The following MYRIP variants were observed in gnomAD, a reference collection of about 807,000 sequenced individuals.
MYRIP encodes the protein rab effector MyRIP.
MYRIP carries 49 observed loss-of-function variants against 98.0 expected under a neutral mutation model. That is an observed-to-expected ratio of 0.50 (90% CI 0.40 to 0.63). MYRIP has a LOEUF of 0.63. Ranked by LOEUF, MYRIP falls within the 30% of genes least tolerant of loss-of-function variation. The probability of loss-of-function intolerance (pLI) is 0.00; values close to 1 mark genes in which losing one functional copy is unlikely to be tolerated. For synonymous variants in MYRIP, 404 were observed against 409.5 expected, an observed-to-expected ratio of 0.99 and a Z score of 0.16; for missense variants, 1,004 against 1,058.2, an observed-to-expected ratio of 0.95 and a Z score of 0.71.
At chr3:40,166,655 TG>T (rs1950506015) in intron 5 of MYRIP, among the ~76,000 whole-genome samples, 190 bp from the exon 6 acceptor site, 1 of 151,784 alleles carries the variant, frequency 6.6e-6, no homozygotes, top group South Asian at 2.1e-4. Flanking sequence ...TTGTTGCAAC[TG>T]GGGCATGGGA....
chr3:40,235,495 G>C (rs758425160), intron 12 of MYRIP, among the ~76,000 whole-genome samples: 6 of 152,188 alleles, frequency 3.9e-5, no homozygotes, highest in Non-Finnish European at 8.8e-5. Context: ...AACACTCTTA[G>C]CTCTTTCTCT....
rs62264389 is a variant in MYRIP at position 39,973,637 on chromosome 3, G to A, written c.111-70413G>A. Among the ~76,000 whole-genome samples the A allele has an allele frequency of 4.7e-4, 72 of 152,064 alleles. No individual in the cohort carries two copies. The East Asian group carries it at 8.5e-3, about 18-fold the overall frequency. On this transcript the variant is annotated intron_variant, in intron 2 of 16. Transcript: ENST00000302541. ...CCACACCACACTTATTCCAAAATTG[G>A]CCACATAGTTGGAAGTAAAGCTCTC...
chr3:40,218,622 A>ATATATATATTT (rs1553629234), intron 11 of MYRIP, among the ~76,000 whole-genome samples: 278 of 12,638 alleles, frequency 0.022, 1 homozygote, highest in African/African-American at 0.035. Flanking sequence ...TTATATATAT[A>ATATATATATTT]TATATATATA....
In MYRIP at chr3:40,069,678, T is replaced by C. The variant is rs140025442; in HGVS notation, c.332+25407T>C. On this transcript the variant is annotated intron_variant, in intron 3 of 16. Coordinates refer to ENST00000302541, the MANE Select transcript of MYRIP (RefSeq NM_015460.4). ...TAGGTACCTCATATAGGTGGAATCA[T>C]ACAGTAGTTTGCCTTTTGTGTCTTA... Among the ~76,000 whole-genome samples, 901 of 152,338 alleles carry C rather than the reference T, an allele frequency of 5.9e-3. 5 individuals carry two copies. Among genetic ancestry groups the C allele is most frequent in the African/African-American group, 0.021 (865 of 41,574 alleles).
chr3:39,958,731 A>C (rs1472760227), intron 2 of MYRIP, among the ~76,000 whole-genome samples: 2 of 152,222 alleles, frequency 1.3e-5, no homozygotes, highest in African/African-American at 4.8e-5. Context: ...CTGCCATCAG[A>C]GTGAACAGGC....
At chr3:39,865,083 G>C (rs1041198535) in intron 1 of MYRIP, among the ~76,000 whole-genome samples, 1 of 152,110 alleles carries the variant, frequency 6.6e-6, no homozygotes, top group Admixed American at 6.6e-5. Context: ...ATAGTGTTGG[G>C]ATAACTGGCT....
chr3:40,159,399 T>C (rs1027316697), intron 4 of MYRIP, among the ~76,000 whole-genome samples: 1 of 152,212 alleles, frequency 6.6e-6, no homozygotes, highest in East Asian at 1.9e-4. Flanking sequence ...TGAGGGTAAC[T>C]GGACCTTTCT....
At position 40,044,154 on chromosome 3, in the gene MYRIP, C is replaced by T. The variant is rs373739656; in HGVS notation, c.215C>T (p.Thr72Ile). ...TGCATGCGCTGCTGCTCGCCCTTCA[C>T]CTTCCTCGTCAACACCAAGCGCCAG... is the stretch of plus-strand genomic sequence containing the variant. The part of the protein sequence containing the change: ...HCCMRCCSPF[T>I]FLVNTKRQCG... Residue 72 changes from threonine (T) to isoleucine (I), a missense_variant, in exon 3 of 17, where the codon ACC becomes ATC. This residue lies in a region of MYRIP where 880 missense variants were observed against 907.7 expected (regional missense o/e 0.97). Transcript: ENST00000302541. 1.9e-6 allele frequency: 3 copies of T among 1,614,078 alleles called. No homozygotes were observed. Among genetic ancestry groups the T allele is most frequent in the East Asian group, 2.2e-5 (1 of 44,880 alleles).
chr3:40,164,124 A>C (rs572489247), intron 5 of MYRIP, among the ~76,000 whole-genome samples: 2 of 152,250 alleles, frequency 1.3e-5, no homozygotes, highest in South Asian at 4.1e-4. Flanking sequence ...TCCACCAGTG[A>C]GAGATGTTTC....
At chr3:39,975,079 C>A (rs188196703) in intron 2 of MYRIP, among the ~76,000 whole-genome samples, 3,815 of 152,166 alleles carry the variant, frequency 0.025, 158 homozygotes, top group African/African-American at 0.087. Flanking sequence ...AAAGGGTATT[C>A]AATTAGGAAA....
At chr3:40,206,489 T>G (rs1410823105) in intron 10 of MYRIP, among the ~76,000 whole-genome samples, 3 of 152,196 alleles carry the variant, frequency 2.0e-5, no homozygotes, top group Non-Finnish European at 2.9e-5. Flanking sequence ...AAAACTTGTA[T>G]GTCTTGATAA....
chr3:40,145,081 G>T (rs1308166605), intron 3 of MYRIP, among the ~76,000 whole-genome samples: 1 of 152,122 alleles, frequency 6.6e-6, no homozygotes, highest in African/African-American at 2.4e-5. Flanking sequence ...TGATAAGTTG[G>T]TTATTGTCAT....
intron 1 of MYRIP, among the ~76,000 whole-genome samples, chr3:39,856,226 G>T (rs561647619): frequency 2.3e-4 from 35 of 152,320 alleles, no homozygotes; most frequent in African/African-American, 7.7e-4. Context: ...AATGATTTGT[G>T]AATTCTTTCA....
intron 3 of MYRIP, among the ~76,000 whole-genome samples, chr3:40,076,353 T>A (rs1369856466): frequency 6.6e-6 from 1 of 152,244 alleles, no homozygotes; most frequent in Admixed American, 6.5e-5. Context: ...CCCACAGCTC[T>A]GCCATCCCCT....
At chr3:40,053,950 A>T in intron 3 of MYRIP, among the ~76,000 whole-genome samples, 1 of 152,156 alleles carries the variant, frequency 6.6e-6, no homozygotes. Context: ...ACCATCAGGG[A>T]ACACAGCCCC....
chr3:40,199,580 C>T (rs376660980), intron 10 of MYRIP, among the ~76,000 whole-genome samples: 3 of 152,160 alleles, frequency 2.0e-5, no homozygotes, highest in East Asian at 3.9e-4. Flanking sequence ...AGAAGGTTCG[C>T]CTGCCTCTGA....
intron 3 of MYRIP, among the ~76,000 whole-genome samples, chr3:40,131,748 T>A (rs958818036): frequency 6.6e-6 from 1 of 152,252 alleles, no homozygotes; most frequent in Non-Finnish European, 1.5e-5. Flanking sequence ...TATTTATAGC[T>A]GTGTTTTTAA....
At chr3:40,156,904 T>C (rs1329141496) in intron 4 of MYRIP, among the ~76,000 whole-genome samples, 2 of 151,710 alleles carry the variant, frequency 1.3e-5, no homozygotes, top group African/African-American at 2.4e-5. Context: ...GCTGAGACAA[T>C]GGGGTTTTCT....
intron 11 of MYRIP, among the ~76,000 whole-genome samples, chr3:40,228,752 T>C (rs1415835007): frequency 6.6e-6 from 1 of 152,198 alleles, no homozygotes; most frequent in African/African-American, 2.4e-5. Context: ...CCTTATATTA[T>C]ATCAAGACTT....
Sources: gnomAD v4.1 joint callset for allele counts (sites outside exome capture counted in the v4.1 genomes callset) on GRCh38, gnomAD v4.1.1 for gene constraint, gnomAD v4.1.1 regional missense constraint, MANE v1.5 for transcripts, NCBI Gene and HGNC (gene_info 2026-07-23, HGNC 2026-07-21) for gene names.